The following B3GALT1 variants were observed in gnomAD, a reference collection of about 807,000 sequenced individuals.
B3GALT1 encodes the protein UDP-Gal:betaGlcNAc beta 1,3-galactosyltransferase, polypeptide 1.
Under a neutral mutation model 23.2 loss-of-function variants are expected in B3GALT1, and 10 were observed. That is an observed-to-expected ratio of 0.43 (90% CI 0.27 to 0.73). The LOEUF (loss-of-function observed/expected upper bound fraction) is 0.73, where lower values mean the gene tolerates loss of function less well. B3GALT1 is among the 30% of genes least tolerant of loss of function. The pLI is 0.21. For synonymous variants in B3GALT1, 156 were observed against 141.5 expected, an observed-to-expected ratio of 1.10 and a Z score of -0.73; for missense variants, 299 against 405.4, an observed-to-expected ratio of 0.74 and a Z score of 2.25.
intron 3 of B3GALT1, among the ~76,000 whole-genome samples, chr2:167,678,587 G>A (rs1029515774): frequency 6.6e-6 from 1 of 151,886 alleles, no homozygotes; most frequent in Non-Finnish European, 1.5e-5. Context: ...AAAATCAAAT[G>A]AGTGATTTTT....
In B3GALT1 at chr2:167,369,103, G is replaced by A. The variant is rs900367664; in HGVS notation, c.-511+75769G>A. On this transcript the variant is annotated intron_variant, in intron 1 of 4. Coordinates refer to ENST00000392690, the MANE Select transcript of B3GALT1 (RefSeq NM_020981.4). ...TGTGTGTGTGTGTGTGTGTGTGTGT[G>A]TGTGTATCTTTATGTTTCTATGTCC... Among the ~76,000 whole-genome samples the A allele has an allele frequency of 2.8e-4, 29 of 105,166 alleles. 1 individual carries two copies. Among genetic ancestry groups the A allele is most frequent in the Admixed American group, 2.7e-3 (26 of 9,622 alleles). The allele number at this position is 105,166 out of a possible 152,430, so 69.0% of individuals were successfully genotyped here. A position where few individuals can be genotyped will look rare whatever the true frequency, so the allele number is the denominator to read the frequency against.
chr2:167,514,509 G>A (rs1700073275), intron 2 of B3GALT1, among the ~76,000 whole-genome samples: 1 of 152,140 alleles, frequency 6.6e-6, no homozygotes, highest in Admixed American at 6.5e-5. Flanking sequence ...GAATCTCAAT[G>A]GATGCATATG....
chr2:167,673,534 A>C (rs1686369358), intron 3 of B3GALT1, among the ~76,000 whole-genome samples: 1 of 152,034 alleles, frequency 6.6e-6, no homozygotes, highest in Non-Finnish European at 1.5e-5. Context: ...ATTTACTTCC[A>C]ATGATCCAAG....
chr2:167,372,415 T>A (rs988106225), intron 1 of B3GALT1, among the ~76,000 whole-genome samples: 2 of 152,072 alleles, frequency 1.3e-5, no homozygotes, highest in African/African-American at 4.8e-5. Context: ...GGTGAACTAT[T>A]AGATGATTTT....
intron 3 of B3GALT1, chr2:167,713,921 C>G: frequency 1.3e-6 from 2 of 1,577,120 alleles, no homozygotes; most frequent in Non-Finnish European, 8.7e-7. Flanking sequence ...GAAAGGAGGT[C>G]CTCTTCTCGT....
chr2:167,602,628 C>T (rs1289119434), intron 2 of B3GALT1, among the ~76,000 whole-genome samples: 1 of 152,036 alleles, frequency 6.6e-6, no homozygotes, highest in Non-Finnish European at 1.5e-5. Context: ...AGCTACTAGC[C>T]ACATTTTTTA....
intron 3 of B3GALT1, among the ~76,000 whole-genome samples, chr2:167,663,420 T>TA (rs1686108604): frequency 6.6e-6 from 1 of 152,046 alleles, no homozygotes; most frequent in Non-Finnish European, 1.5e-5. Context: ...GCAATAAACA[T>TA]ACGTGTGCAT....
intron 2 of B3GALT1, among the ~76,000 whole-genome samples, chr2:167,567,638 T>G (rs1304070273): frequency 6.6e-6 from 1 of 152,128 alleles, no homozygotes; most frequent in Non-Finnish European, 1.5e-5. Context: ...AGATTTGCCA[T>G]GTACTTCCAT....
At chr2:167,863,986 ATGTATGTGTGTGTGTG>A (rs1342202534) in intron 4 of B3GALT1, among the ~76,000 whole-genome samples, 2 of 132,078 alleles carry the variant, frequency 1.5e-5, no homozygotes, top group African/African-American at 6.0e-5. Context: ...GCATGCATGT[ATGTATGTGTGTGTGTG>A]TGTGTGTGTG....
At chr2:167,389,769 G>A (rs1272026623) in intron 1 of B3GALT1, among the ~76,000 whole-genome samples, 2 of 152,102 alleles carry the variant, frequency 1.3e-5, no homozygotes, top group South Asian at 2.1e-4. Context: ...CATACTGGCC[G>A]GGCAGGGTGT....
chr2:167,697,600 T>TAATTTACAAG (rs1686808001), intron 3 of B3GALT1, among the ~76,000 whole-genome samples: 5 of 152,200 alleles, frequency 3.3e-5, no homozygotes, highest in Non-Finnish European at 5.9e-5. Context: ...CATTTACAAT[T>TAATTTACAAG]AAAATTAAGA....
intron 1 of B3GALT1, among the ~76,000 whole-genome samples, chr2:167,396,448 A>G (rs970622255): frequency 6.6e-6 from 1 of 151,542 alleles, no homozygotes; most frequent in Admixed American, 6.6e-5. Flanking sequence ...TAGAACTCTC[A>G]AAAAAGTAAT....
chr2:167,409,026 A>G, intron 1 of B3GALT1, among the ~76,000 whole-genome samples: 1 of 152,180 alleles, frequency 6.6e-6, no homozygotes, highest in East Asian at 1.9e-4. Flanking sequence ...AGAAACTCCT[A>G]AAATTTATCT....
At chr2:167,624,102 A>G (rs1247423349) in intron 2 of B3GALT1, among the ~76,000 whole-genome samples, 2 of 152,076 alleles carry the variant, frequency 1.3e-5, no homozygotes, top group African/African-American at 4.8e-5. Context: ...TCCGAACAAA[A>G]TCATAGAATC....
chr2:167,476,366 T>C (rs781007918), intron 1 of B3GALT1, among the ~76,000 whole-genome samples: 143 of 152,292 alleles, frequency 9.4e-4, no homozygotes, highest in Non-Finnish European at 1.6e-3. Context: ...AATATAAGCG[T>C]TTATTATTTT....
chr2:167,460,763 T>C (rs1574088995), intron 1 of B3GALT1, among the ~76,000 whole-genome samples: 1 of 152,310 alleles, frequency 6.6e-6, no homozygotes, highest in Non-Finnish European at 1.5e-5. Context: ...TTCTGGGTTT[T>C]ATTGTTGTTT....
chr2:167,602,359 C>A (rs1008074099), intron 2 of B3GALT1, among the ~76,000 whole-genome samples: 2 of 152,094 alleles, frequency 1.3e-5, no homozygotes, highest in African/African-American at 2.4e-5. Context: ...TTGAACAGTT[C>A]CGGAGTACTC....
chr2:167,359,482 A>G (rs1384008004), intron 1 of B3GALT1, among the ~76,000 whole-genome samples: 1 of 152,216 alleles, frequency 6.6e-6, no homozygotes, highest in East Asian at 1.9e-4. Flanking sequence ...AGTAGGTCTT[A>G]TATATACACA....
rs563794788 is a variant in B3GALT1 at position 167,442,100 on chromosome 2, A to G, written c.-510-48077A>G. ...TGTGTCCATGTGATCTCATTGTTCA[A>G]TTCCCACCTATGAGTGAGAATATGC... On this transcript the variant is annotated intron_variant, in intron 1 of 4. Transcript: ENST00000392690. Among the ~76,000 whole-genome samples, 46 of 151,296 alleles carry G rather than the reference A, an allele frequency of 3.0e-4. No individual in the cohort carries two copies. In the East Asian group the frequency reaches 5.5e-3, roughly 18 times the overall value.
Sources: gnomAD v4.1 joint callset for allele counts (sites outside exome capture counted in the v4.1 genomes callset) on GRCh38, gnomAD v4.1.1 for gene constraint, MANE v1.5 for transcripts, NCBI Gene and HGNC (gene_info 2026-07-23, HGNC 2026-07-21) for gene names.